TMOD1: variants seen among roughly 807,000 people sequenced by gnomAD.
The protein encoded by TMOD1 is tropomodulin-1.
TMOD1 carries 17 observed loss-of-function variants against 40.6 expected under a neutral mutation model. The observed-to-expected ratio is 0.42, with a 90% CI of 0.29 to 0.63. The LOEUF is 0.63. TMOD1 is among the 20% of genes least tolerant of loss of function. The pLI, the probability that TMOD1 is intolerant of heterozygous loss-of-function variation, is 0.22. For missense variants in TMOD1, 391 were observed against 447.6 expected (o/e 0.87, Z 1.14); for synonymous variants, 181 against 175.0 (o/e 1.03, Z -0.27).
At chr9:97,571,122 C>G (rs1830811366) in intron 8 of TMOD1, among the ~76,000 whole-genome samples, 1 of 152,166 alleles carries the variant, frequency 6.6e-6, no homozygotes, top group Admixed American at 6.5e-5. Flanking sequence ...TGGCCCTGGG[C>G]CAGGCCCTGG....
chr9:97,523,704 G>A (rs1829952680), intron 1 of TMOD1, among the ~76,000 whole-genome samples: 1 of 152,112 alleles, frequency 6.6e-6, no homozygotes, highest in African/African-American at 2.4e-5. Context: ...GGGCCTGTAT[G>A]CAGTAGGTGC....
At chr9:97,574,162 C>G (rs1055707637) in intron 8 of TMOD1, among the ~76,000 whole-genome samples, 18 of 152,182 alleles carry the variant, frequency 1.2e-4, no homozygotes, top group Non-Finnish European at 2.1e-4. Flanking sequence ...GTGGGAGCCC[C>G]TTTCTGGGCT....
intron 1 of TMOD1, among the ~76,000 whole-genome samples, chr9:97,505,477 A>T (rs781407854): frequency 8.5e-5 from 13 of 152,158 alleles, no homozygotes; most frequent in African/African-American, 1.2e-4. Flanking sequence ...GTTGCTCTCC[A>T]TGCCCAAAGG....
At position 97,600,648 on chromosome 9, in the gene TMOD1, C is replaced by T; in HGVS notation, c.*950C>T. ...TAGAGACTTCAGCTACTGATCTCAT[C>T]ACTTATTAGACAAATTGCTGCTGAC... On this transcript the variant is annotated 3_prime_UTR_variant, in exon 10 of 10. Transcript: ENST00000259365. 2.0e-6 allele frequency: 2 copies of T among 990,382 alleles called. No individual in the cohort carries two copies. The highest frequency in any genetic ancestry group is 2.4e-6 in the Non-Finnish European group (2 of 833,060). 61.3% of individuals were successfully genotyped at this position (990,382 alleles called of 1,614,324 possible).
At chr9:97,585,133 C>A (rs1248645929) in intron 8 of TMOD1, among the ~76,000 whole-genome samples, 1 of 150,714 alleles carries the variant, frequency 6.6e-6, no homozygotes, top group African/African-American at 2.4e-5. Context: ...GATTTTGCAG[C>A]GGCTGGTACC....
At chr9:97,587,045 A>G (rs1005673434) in intron 8 of TMOD1, among the ~76,000 whole-genome samples, 9 of 152,162 alleles carry the variant, frequency 5.9e-5, no homozygotes, top group East Asian at 3.9e-4. Flanking sequence ...ACTTGGCATA[A>G]TTCTATGGAG....
chr9:97,567,163 T>C (rs1340699619), intron 7 of TMOD1, among the ~76,000 whole-genome samples: 2 of 152,266 alleles, frequency 1.3e-5, no homozygotes, highest in East Asian at 1.9e-4. Context: ...AACCTCTGGA[T>C]TGATGACCTC....
chr9:97,517,184 A>G (rs771711378), intron 1 of TMOD1, among the ~76,000 whole-genome samples: 4 of 151,872 alleles, frequency 2.6e-5, no homozygotes, highest in African/African-American at 9.7e-5. Flanking sequence ...TCATCTCTAC[A>G]AAAAAATTTT....
chr9:97,562,739 G>A lies in TMOD1; in HGVS notation c.405G>A (p.Leu135=). 1 of 1,554,602 alleles carries A rather than the reference G, an allele frequency of 6.4e-7. No individual in the cohort carries two copies. The highest frequency in any genetic ancestry group is 8.6e-7 in the Non-Finnish European group (1 of 1,157,004). Residue 135 remains leucine, a synonymous_variant, in exon 5 of 10, where the codon CTG becomes CTA. Coordinates refer to ENST00000259365, the MANE Select transcript of TMOD1 (RefSeq NM_003275.4). The part of the protein sequence containing the change: ...DAELCDIAAI[L]GMHTLMSNQQ... ...CTTCCCTTGTCCCTGCAGCGATCCTGGGCATGCACACGCTCATGAGTAACC... is the reference window on the plus strand; with the variant it reads ...CTTCCCTTGTCCCTGCAGCGATCCTAGGCATGCACACGCTCATGAGTAACC...
chr9:97,539,144 G>A (rs1199279230), intron 2 of TMOD1, among the ~76,000 whole-genome samples: 1 of 151,980 alleles, frequency 6.6e-6, no homozygotes. Context: ...TTCTCTTTGT[G>A]GGATCATAGC....
At position 97,513,981 on chromosome 9, in the gene TMOD1, A is replaced by T. The variant is rs988067701; in HGVS notation, c.-48-10160A>T. 6.6e-6 allele frequency: 1 copy of T among 152,366 alleles called. No individual in the cohort carries two copies. Among genetic ancestry groups the T allele is most frequent in the South Asian group, 2.1e-4 (1 of 4,824 alleles). 9.4% of individuals were successfully genotyped at this position (152,366 alleles called of 1,614,324 possible). A position where few individuals can be genotyped will look rare whatever the true frequency, so the allele number is the denominator to read the frequency against. On this transcript the variant is annotated intron_variant, in intron 1 of 9. Transcript: ENST00000259365. The surrounding 1 kb of genome is among the most constrained non-coding windows in gnomAD (Gnocchi z 4.1). ...GTGCCCTGGGGCTAAGGCTGGAAAC[A>T]GGTTGTACACCTGTGCAGGTGCACA...
intron 9 of TMOD1, among the ~76,000 whole-genome samples, chr9:97,597,320 ACTTC>A (rs985119954): frequency 2.6e-5 from 4 of 152,212 alleles, no homozygotes; most frequent in African/African-American, 2.4e-5. Context: ...CCTGGTCTCA[ACTTC>A]CTTCATCATT....
At chr9:97,555,961 T>C (rs1452007767) in intron 4 of TMOD1, among the ~76,000 whole-genome samples, 1 of 151,934 alleles carries the variant, frequency 6.6e-6, no homozygotes, top group Non-Finnish European at 1.5e-5. Context: ...CAGAGGGTGA[T>C]GGGCAAGGCT....
At chr9:97,559,794 A>AAAAAAAATATAT (rs1390791825) in intron 4 of TMOD1, among the ~76,000 whole-genome samples, 2 of 23,176 alleles carry the variant, frequency 8.6e-5, no homozygotes, top group South Asian at 3.2e-3. Flanking sequence ...AAAAAAAAAA[A>AAAAAAAATATAT]ATATATATAT....
rs960515066 is a variant in TMOD1, at chr9:97,513,326, G to T, written c.-48-10815G>T. Reference sequence around the variant, plus strand: ...TCAGTCCGTGTCCTGCTCTCACTTTGCAGAAGAAACCCCGAATCTCAGAGG... The same window carrying T: ...TCAGTCCGTGTCCTGCTCTCACTTTTCAGAAGAAACCCCGAATCTCAGAGG... On this transcript the variant is annotated intron_variant, in intron 1 of 9. Transcript: ENST00000259365. This position sits in a 1 kb window ranked among gnomAD's most constrained non-coding sequence, Gnocchi z 4.1. 2 of 152,226 alleles carry T rather than the reference G, an allele frequency of 1.3e-5. No individual in the cohort carries two copies. Among genetic ancestry groups the T allele is most frequent in the African/African-American group, 4.8e-5 (2 of 41,426 alleles). The allele number at this position is 152,226 out of a possible 1,614,324, so 9.4% of individuals were successfully genotyped here.
intron 1 of TMOD1, among the ~76,000 whole-genome samples, chr9:97,514,886 C>T (rs925227776): frequency 2.0e-5 from 3 of 152,186 alleles, no homozygotes; most frequent in Admixed American, 6.5e-5. Flanking sequence ...GCCAGTGAAC[C>T]GTGGGAAGGG....
At chr9:97,555,406 T>C (rs1830520591) in intron 4 of TMOD1, 1 of 1,363,712 alleles carries the variant, frequency 7.3e-7, no homozygotes, top group Non-Finnish European at 9.4e-7. Context: ...AAAGGGATTA[T>C]CAAATGACTG....
chr9:97,596,080 G>T (rs908787292), intron 9 of TMOD1, among the ~76,000 whole-genome samples: 1 of 150,724 alleles, frequency 6.6e-6, no homozygotes, highest in East Asian at 2.0e-4. Flanking sequence ...AAAAAAAAAA[G>T]AAGAAGAAAA....
intron 2 of TMOD1, among the ~76,000 whole-genome samples, chr9:97,536,696 A>G (rs937448774): frequency 2.0e-5 from 3 of 152,044 alleles, no homozygotes; most frequent in Non-Finnish European, 4.4e-5. Context: ...GGTCCAGCGT[A>G]TGACTTCAAG....
Sources: gnomAD v4.1 joint callset for allele counts (sites outside exome capture counted in the v4.1 genomes callset) on GRCh38, gnomAD v4.1.1 for gene constraint, Gnocchi (gnomAD v3.1) non-coding constraint, MANE v1.5 for transcripts, NCBI Gene and HGNC (gene_info 2026-07-23, HGNC 2026-07-21) for gene names.